PHIP: variants seen among roughly 807,000 people sequenced by gnomAD.
PHIP encodes the protein PH-interacting protein.
In PHIP, 54 loss-of-function variants were observed where a neutral mutation model predicts 236.8. That is an observed-to-expected ratio of 0.23 (90% CI 0.18 to 0.29). PHIP has a LOEUF of 0.29. Ranked by LOEUF, PHIP falls within the 10% of genes least tolerant of loss-of-function variation. The probability of loss-of-function intolerance (pLI) is 1.00; values close to 1 mark genes in which losing one functional copy is unlikely to be tolerated. For missense variants in PHIP, 1,370 were observed against 2,190.8 expected, an observed-to-expected ratio of 0.63 and a Z score of 7.48; for synonymous variants, 756 against 718.9, an observed-to-expected ratio of 1.05 and a Z score of -0.83.
intron 19 of PHIP, among the ~76,000 whole-genome samples, chr6:78,993,784 T>C (rs1425224836): frequency 6.6e-6 from 1 of 152,226 alleles, no homozygotes; most frequent in Non-Finnish European, 1.5e-5. Context: ...GTTCTCTTCA[T>C]GCCTGCTAAC....
At chr6:78,973,961 G>T (rs1767832678) in intron 24 of PHIP, among the ~76,000 whole-genome samples, 1 of 152,054 alleles carries the variant, frequency 6.6e-6, no homozygotes, top group Non-Finnish European at 1.5e-5. Flanking sequence ...ACATTAGACA[G>T]ATCAACGAGA....
intron 22 of PHIP, among the ~76,000 whole-genome samples, chr6:78,984,178 GT>G (rs1434976241): frequency 6.6e-6 from 1 of 152,030 alleles, no homozygotes; most frequent in Non-Finnish European, 1.5e-5. Context: ...TTATAAGCAC[GT>G]ACCTAAATCT....
Position 79,020,870 on chromosome 6 carries a change from T to C in PHIP, c.924-1711A>G, listed in dbSNP as rs191786883. ...TCTCCTGCCTCAACTTAAAATTTTA[T>C]AAGTTAAATTACAGCCAAATGACAA... is the stretch of plus-strand genomic sequence containing the variant. On this transcript the variant is annotated intron_variant, in intron 9 of 39. Coordinates refer to ENST00000275034, the MANE Select transcript of PHIP (RefSeq NM_017934.7). 2.5e-3 allele frequency among the ~76,000 whole-genome samples: 374 copies of C among 151,966 alleles called. 2 individuals carry two copies. The highest frequency in any genetic ancestry group is 0.02 in the Middle Eastern group (6 of 294).
At chr6:79,036,871 G>T (rs1464479038) in intron 7 of PHIP, among the ~76,000 whole-genome samples, 2 of 128,304 alleles carry the variant, frequency 1.6e-5, no homozygotes, top group East Asian at 5.5e-4. Flanking sequence ...CAAGTGAGTT[G>T]AGATGGTGCC....
intron 4 of PHIP, among the ~76,000 whole-genome samples, chr6:79,063,721 AAC>A (rs922092825): frequency 6.6e-6 from 1 of 152,166 alleles, no homozygotes; most frequent in African/African-American, 2.4e-5. Context: ...GGCCAATTCT[AAC>A]AGTTTTAAAA....
chr6:78,994,339 A>G (rs1179558823), intron 19 of PHIP, among the ~76,000 whole-genome samples: 1 of 152,158 alleles, frequency 6.6e-6, no homozygotes, highest in Non-Finnish European at 1.5e-5. Context: ...GCACTTTGGG[A>G]GGCTGAAGTG....
Position 78,969,066 on chromosome 6 carries a change from A to T in PHIP, c.3205+769T>A, listed in dbSNP as rs556473550. On this transcript the variant is annotated intron_variant, in intron 27 of 39. Coordinates refer to ENST00000275034, the MANE Select transcript of PHIP (RefSeq NM_017934.7). ...GTTACTCCCTTATTTGATGAAACAC[A>T]TCTTTCAAAACTTCTAGGGAAATGG... 2.9e-3 allele frequency among the ~76,000 whole-genome samples: 441 copies of T among 152,306 alleles called. 2 individuals carry two copies. Among genetic ancestry groups the T allele is most frequent in the African/African-American group, 9.8e-3 (409 of 41,566 alleles).
chr6:78,972,732 C>A (rs897295642), intron 24 of PHIP, among the ~76,000 whole-genome samples: 1 of 152,014 alleles, frequency 6.6e-6, no homozygotes, highest in Non-Finnish European at 1.5e-5. Context: ...GTGAAGAATG[C>A]AGAAGCCTCA....
At chr6:79,055,920 G>A (rs1057043721) in intron 6 of PHIP, among the ~76,000 whole-genome samples, 2 of 152,074 alleles carry the variant, frequency 1.3e-5, no homozygotes, top group Non-Finnish European at 2.9e-5. Context: ...TTACCACAAA[G>A]CTATTCTTGG....
intron 29 of PHIP, among the ~76,000 whole-genome samples, chr6:78,965,129 C>A (rs1352081676): frequency 6.6e-6 from 1 of 152,146 alleles, no homozygotes; most frequent in East Asian, 1.9e-4. Flanking sequence ...TTATTAATTA[C>A]AACTATATCT....
intron 16 of PHIP, 60 bp downstream of exon 16, chr6:79,003,670 C>T: frequency 8.2e-7 from 1 of 1,213,286 alleles, no homozygotes; most frequent in South Asian, 1.8e-5. Context: ...CAAAAACATA[C>T]AACCCCTAAA....
At position 79,077,507 on chromosome 6, in the gene PHIP, G is replaced by C. The variant is rs143577194; in HGVS notation, c.130C>G (p.Leu44Val). 1.9e-6 allele frequency: 3 copies of C among 1,546,142 alleles called. No homozygotes were observed. In the African/African-American group the frequency reaches 4.3e-5, roughly 22 times the overall value. The change falls in exon 4 of 40, where the codon CTG becomes GTG. Residue 44 changes from leucine to valine, a missense_variant and splice_region_variant. Physicochemically the swap from Leu to Val is conservative, Grantham distance 32. Coordinates refer to ENST00000275034, the MANE Select transcript of PHIP (RefSeq NM_017934.7). ...GTCCAGTCGGTGCGCCGGGGCAGCA[G>C]CTGCGGGGAGAGGACACCCCGTGAG... Reference protein sequence around the residue: ...VLIREVAEKELLPRRTDWTGK... With the variant: ...VLIREVAEKEVLPRRTDWTGK...
chr6:79,006,053 G>GT (rs1770275466), intron 15 of PHIP, among the ~76,000 whole-genome samples: 1 of 151,972 alleles, frequency 6.6e-6, no homozygotes, highest in Non-Finnish European at 1.5e-5. Context: ...TAAGGCATCT[G>GT]TTTAACTCCA....
intron 32 of PHIP, chr6:78,957,272 AAC>A (rs1179429072): frequency 2.0e-5 from 3 of 152,024 alleles, no homozygotes; most frequent in East Asian, 1.9e-4. Context: ...TCTTTGAAAA[AAC>A]AGATACACAT....
chr6:78,993,525 C>G (rs1271328838), intron 19 of PHIP, among the ~76,000 whole-genome samples: 1 of 152,172 alleles, frequency 6.6e-6, no homozygotes, highest in Non-Finnish European at 1.5e-5. Context: ...GAAGCTAATG[C>G]TCATTTATCA....
chr6:78,943,984 T>C (rs1265631921), intron 39 of PHIP, among the ~76,000 whole-genome samples: 1 of 37,176 alleles, frequency 2.7e-5, no homozygotes, highest in African/African-American at 7.7e-5. Flanking sequence ...AGATCCTGTC[T>C]TTTTTTAAAA....
At chr6:78,944,410 T>C (rs1337459318) in intron 39 of PHIP, among the ~76,000 whole-genome samples, 1 of 151,780 alleles carries the variant, frequency 6.6e-6, no homozygotes, top group Non-Finnish European at 1.5e-5. Context: ...TAAGAAAGAG[T>C]TGAGAACTGA....
In PHIP at chr6:79,078,011, G is replaced by C; in HGVS notation, c.40+18C>G. ...GGAATCGCCCGGTGCCAGCGGCCCCGGCAGCCCCCCGACTTACCCGATCGC... is the reference window on the plus strand; with the variant it reads ...GGAATCGCCCGGTGCCAGCGGCCCCCGCAGCCCCCCGACTTACCCGATCGC... On this transcript the variant is annotated intron_variant, in intron 1 of 39. Transcript: ENST00000275034. 1 of 1,602,244 alleles carries C rather than the reference G, an allele frequency of 6.2e-7. No homozygotes were observed. Among genetic ancestry groups the C allele is most frequent in the Non-Finnish European group, 8.5e-7 (1 of 1,175,274 alleles).
intron 24 of PHIP, among the ~76,000 whole-genome samples, chr6:78,975,898 T>C (rs1033326823): frequency 1.4e-4 from 21 of 149,922 alleles, no homozygotes; most frequent in Non-Finnish European, 2.8e-4. Flanking sequence ...TGGAAGAACA[T>C]TCCATGCTCA....
Sources: allele counts gnomAD v4.1 joint callset (sites outside exome capture counted in the v4.1 genomes callset), GRCh38; gene constraint gnomAD v4.1.1; transcripts MANE v1.5; gene names NCBI Gene and HGNC (gene_info 2026-07-23, HGNC 2026-07-21).